The following MAMDC2 variants were observed in gnomAD, a reference collection of about 807,000 sequenced individuals.
MAMDC2 encodes MAM domain-containing protein 2.
In MAMDC2, 57 loss-of-function variants were observed where a neutral mutation model predicts 89.8. The ratio of observed to expected loss-of-function variants is 0.63; its 90% CI spans 0.51 to 0.79. The LOEUF is 0.79. MAMDC2 is among the 30% of genes least tolerant of loss of function. The pLI, the probability that MAMDC2 is intolerant of heterozygous loss-of-function variation, is 0.00. For missense variants in MAMDC2, 800 were observed against 820.6 expected (o/e 0.97, Z 0.31); for synonymous variants, 313 against 293.4 (o/e 1.07, Z -0.68).
chr9:70,050,109 C>T (rs1226288312), intron 2 of MAMDC2, among the ~76,000 whole-genome samples: 1 of 152,104 alleles, frequency 6.6e-6, no homozygotes, highest in East Asian at 1.9e-4. Context: ...ACTCAGATTC[C>T]AAAGATGCAG....
At chr9:70,100,240 C>T (rs1419151976) in intron 2 of MAMDC2, among the ~76,000 whole-genome samples, 2 of 152,188 alleles carry the variant, frequency 1.3e-5, no homozygotes, top group Non-Finnish European at 2.9e-5. Context: ...AACATCCTCA[C>T]TTTACCAAAG....
intron 9 of MAMDC2, among the ~76,000 whole-genome samples, chr9:70,158,650 T>C (rs1304852565): frequency 6.6e-6 from 1 of 152,100 alleles, no homozygotes; most frequent in African/African-American, 2.4e-5. Flanking sequence ...AATGTACTTA[T>C]ATATGTATAT....
chr9:70,117,329 A>G (rs906291706), intron 5 of MAMDC2, among the ~76,000 whole-genome samples: 8 of 152,238 alleles, frequency 5.3e-5, no homozygotes, highest in African/African-American at 1.4e-4. Flanking sequence ...TTGCAGGGAC[A>G]TGGATGAAAC....
At chr9:70,112,560 G>C (rs779637339) in intron 4 of MAMDC2, among the ~76,000 whole-genome samples, 6 of 152,156 alleles carry the variant, frequency 3.9e-5, no homozygotes, top group Non-Finnish European at 8.8e-5. Context: ...CTAGAGCTAC[G>C]AGCATAACCC....
intron 11 of MAMDC2, among the ~76,000 whole-genome samples, chr9:70,193,177 G>A (rs183000344): frequency 1.0e-3 from 158 of 152,178 alleles, no homozygotes; most frequent in Non-Finnish European, 1.7e-3. Flanking sequence ...TAATTTACTT[G>A]TCTTTTTTGT....
Position 70,188,130 on chromosome 9 carries a change from C to T in MAMDC2, c.1651+17499C>T, listed in dbSNP as rs187108069. On this transcript the variant is annotated intron_variant, in intron 11 of 13. Transcript: ENST00000377182. ...TTGTCTGATATTATTGTAGCCACTC[C>T]AGTTCTTTTTTGGGAACTGCATGAA... Among the ~76,000 whole-genome samples, 52 of 152,272 alleles carry T rather than the reference C, an allele frequency of 3.4e-4. No homozygotes were observed. The East Asian group carries it at 9.8e-3, about 29-fold the overall frequency.
Position 70,226,715 on chromosome 9 carries a change from A to G in MAMDC2, c.*683A>G. ...CTTTGAAGTCACTATGAGCACATGGATAGAAATTTAACTTTTTTTTGTAAA... is the reference window on the plus strand; with the variant it reads ...CTTTGAAGTCACTATGAGCACATGGGTAGAAATTTAACTTTTTTTTGTAAA... On this transcript the variant is annotated 3_prime_UTR_variant, in exon 14 of 14. Transcript: ENST00000377182. 6.6e-6 allele frequency: 1 copy of G among 152,168 alleles called. No homozygotes were observed. The highest frequency in any genetic ancestry group is 1.9e-4 in the East Asian group (1 of 5,194). The allele number at this position is 152,168 out of a possible 1,614,324, so 9.4% of individuals were successfully genotyped here.
intron 11 of MAMDC2, among the ~76,000 whole-genome samples, chr9:70,202,063 C>T (rs1485758287): frequency 6.6e-6 from 1 of 151,704 alleles, no homozygotes; most frequent in East Asian, 1.9e-4. Flanking sequence ...TTCAGTTCTG[C>T]TCTGATTTTA....
At chr9:70,126,107 C>T (rs1261242808) in intron 5 of MAMDC2, 52 bp from the exon 6 acceptor site, 8 of 1,521,188 alleles carry the variant, frequency 5.3e-6, no homozygotes, top group Non-Finnish European at 7.1e-6. Flanking sequence ...GAACCTCTTC[C>T]CCTCCCCCAC....
Position 70,207,606 on chromosome 9 carries a change from C to A in MAMDC2, c.1652-10731C>A, listed in dbSNP as rs908420922. Among the ~76,000 whole-genome samples the A allele has an allele frequency of 3.5e-4, 54 of 152,114 alleles. 1 individual carries two copies. The highest frequency in any genetic ancestry group is 1.8e-4 in the Non-Finnish European group (12 of 68,024). On this transcript the variant is annotated intron_variant, in intron 11 of 13. Transcript: ENST00000377182. ...TGCCTGTTCACTCTGATGGTAGTTT[C>A]TTTTGCTGTGCAGAAGCTCTTTAGT...
chr9:70,130,454 C>G (rs2030755820), intron 6 of MAMDC2, among the ~76,000 whole-genome samples: 1 of 152,018 alleles, frequency 6.6e-6, no homozygotes, highest in African/African-American at 2.4e-5. Context: ...TATTAACTCA[C>G]ACAAGAGGAA....
chr9:70,129,104 G>T (rs1440802842), intron 6 of MAMDC2, among the ~76,000 whole-genome samples: 1 of 152,186 alleles, frequency 6.6e-6, no homozygotes, highest in Non-Finnish European at 1.5e-5. Context: ...GACCCTGGGA[G>T]GTTAACTGAT....
chr9:70,145,321 T>G (rs1258240548), intron 9 of MAMDC2, among the ~76,000 whole-genome samples: 1 of 152,212 alleles, frequency 6.6e-6, no homozygotes, highest in Non-Finnish European at 1.5e-5. Context: ...TAGCTTAGAC[T>G]CTTGCTCTTT....
At chr9:70,151,534 T>C (rs2031579173) in intron 9 of MAMDC2, among the ~76,000 whole-genome samples, 1 of 152,148 alleles carries the variant, frequency 6.6e-6, no homozygotes, top group African/African-American at 2.4e-5. Context: ...AATGAGTGGG[T>C]GGACTTTCTA....
intron 4 of MAMDC2, 30 bp downstream of exon 4, chr9:70,109,834 AT>A: frequency 6.4e-7 from 1 of 1,563,686 alleles, no homozygotes; most frequent in Non-Finnish European, 8.8e-7. Flanking sequence ...ATTAAATCAA[AT>A]TGTGAATCTT....
intron 12 of MAMDC2, 121 bp from the exon 13 acceptor site, chr9:70,225,629 T>C (rs2033628374): frequency 3.6e-6 from 2 of 550,810 alleles, no homozygotes; most frequent in South Asian, 3.4e-5. Context: ...TGGTATCCTT[T>C]TCCTTAAAGG....
At chr9:70,110,826 G>A (rs963054017) in intron 4 of MAMDC2, among the ~76,000 whole-genome samples, 2 of 152,074 alleles carry the variant, frequency 1.3e-5, no homozygotes, top group Admixed American at 6.5e-5. Flanking sequence ...GCATAATGAG[G>A]GTAATACTGA....
chr9:70,134,670 G>C (rs549402428), intron 7 of MAMDC2, among the ~76,000 whole-genome samples: 1 of 152,266 alleles, frequency 6.6e-6, no homozygotes, highest in East Asian at 1.9e-4. Context: ...CCAACCTCCT[G>C]TCTGTTTGGA....
chr9:70,105,490 C>CTGGG (rs1217172539), intron 2 of MAMDC2, among the ~76,000 whole-genome samples: 2 of 152,116 alleles, frequency 1.3e-5, no homozygotes, highest in African/African-American at 4.8e-5. Context: ...ATCCAATCAG[C>CTGGG]TGGGTAGATA....
Sources: allele counts gnomAD v4.1 joint callset (sites outside exome capture counted in the v4.1 genomes callset), GRCh38; gene constraint gnomAD v4.1.1; transcripts MANE v1.5; gene names NCBI Gene and HGNC (gene_info 2026-07-23, HGNC 2026-07-21).